PCGF6: variants seen among roughly 807,000 people sequenced by gnomAD.
PCGF6 encodes polycomb group ring finger 6, also known as polycomb group RING finger protein 6.
Under a neutral mutation model 45.5 loss-of-function variants are expected in PCGF6, and 24 were observed. The ratio of observed to expected loss-of-function variants is 0.53; its 90% CI spans 0.38 to 0.74. The LOEUF is 0.74. Ranked by LOEUF, PCGF6 falls within the 30% of genes least tolerant of loss-of-function variation. The pLI, the probability that PCGF6 is intolerant of heterozygous loss-of-function variation, is 0.00. For missense variants in PCGF6, 356 were observed against 443.2 expected (o/e 0.80, Z 1.77); for synonymous variants, 152 against 162.1 (o/e 0.94, Z 0.47).
At chr10:103,311,234 C>T (rs1025444350) in intron 9 of PCGF6, among the ~76,000 whole-genome samples, 4 of 152,086 alleles carry the variant, frequency 2.6e-5, no homozygotes, top group African/African-American at 9.7e-5. Flanking sequence ...CTCTGCCTCC[C>T]GGGTTCAAGC....
chr10:103,350,612 G>T, intron 1 of PCGF6, 95 bp downstream of exon 1: 1 of 1,249,864 alleles, frequency 8.0e-7, no homozygotes, highest in South Asian at 2.0e-5. Flanking sequence ...CGCGGCGGCG[G>T]CGCACTAGGA....
At position 103,319,979 on chromosome 10, in the gene PCGF6, T is replaced by C. The variant is rs541217590; in HGVS notation, c.910-5707A>G. On this transcript the variant is annotated intron_variant, in intron 8 of 9. Coordinates refer to ENST00000369847, the MANE Select transcript of PCGF6 (RefSeq NM_001011663.2). ...CATACCACCATGCCCAGCTAATTTTTGTATTTTTAGTAGAGATGGGGTTTC... is the reference window on the plus strand; with the variant it reads ...CATACCACCATGCCCAGCTAATTTTCGTATTTTTAGTAGAGATGGGGTTTC... 2.0e-5 allele frequency among the ~76,000 whole-genome samples: 3 copies of C among 152,158 alleles called. No individual in the cohort carries two copies. The East Asian group carries it at 5.8e-4, about 29-fold the overall frequency.
chr10:103,346,000 C>T (rs964692026), intron 5 of PCGF6, among the ~76,000 whole-genome samples: 2 of 151,412 alleles, frequency 1.3e-5, no homozygotes, highest in African/African-American at 4.9e-5. Flanking sequence ...CGGGACCAGC[C>T]TGGCCAACAT....
intron 8 of PCGF6, among the ~76,000 whole-genome samples, chr10:103,325,702 T>C (rs1463843993): frequency 1.3e-5 from 2 of 152,090 alleles, no homozygotes; most frequent in Non-Finnish European, 2.9e-5. Flanking sequence ...ATGACACTAA[T>C]AGATTGCCAT....
At chr10:103,346,566 G>C (rs1017927660) in intron 5 of PCGF6, among the ~76,000 whole-genome samples, 2 of 152,204 alleles carry the variant, frequency 1.3e-5, no homozygotes, top group African/African-American at 4.8e-5. Flanking sequence ...GGAGGTTGCA[G>C]TGAGCCAAGA....
intron 7 of PCGF6, among the ~76,000 whole-genome samples, chr10:103,331,332 G>A (rs531597819): frequency 5.3e-5 from 8 of 151,856 alleles, no homozygotes; most frequent in Admixed American, 3.9e-4. Flanking sequence ...AGCTCACTTC[G>A]CCAAGTTCTC....
chr10:103,349,942 C>T (rs1384924966), intron 1 of PCGF6, among the ~76,000 whole-genome samples: 1 of 151,648 alleles, frequency 6.6e-6, no homozygotes, highest in African/African-American at 2.4e-5. Context: ...ATAAGCCGGG[C>T]GTGGTGGCGG....
At chr10:103,320,291 A>T (rs1327467812) in intron 8 of PCGF6, among the ~76,000 whole-genome samples, 1 of 152,168 alleles carries the variant, frequency 6.6e-6, no homozygotes, top group East Asian at 1.9e-4. Context: ...AATACCACTA[A>T]ATCAACCACA....
intron 7 of PCGF6, among the ~76,000 whole-genome samples, chr10:103,331,653 T>G (rs1370550053): frequency 6.6e-6 from 1 of 152,220 alleles, no homozygotes; most frequent in African/African-American, 2.4e-5. Flanking sequence ...AAGTTACTTT[T>G]CTCAATAGGT....
chr10:103,325,831 C>G (rs376774773), intron 8 of PCGF6, among the ~76,000 whole-genome samples: 11 of 129,888 alleles, frequency 8.5e-5, no homozygotes, highest in African/African-American at 2.6e-4. Context: ...CCAGCCTGGA[C>G]AAAAGCAAGA....
intron 9 of PCGF6, among the ~76,000 whole-genome samples, chr10:103,311,832 T>C (rs2133556941): frequency 6.7e-6 from 1 of 150,044 alleles, no homozygotes; most frequent in Non-Finnish European, 1.5e-5. Context: ...CTCATGCCTG[T>C]AATCCCAGCA....
rs2093125424 is a variant in PCGF6, at chr10:103,303,213, G to T, written c.*692C>A. 6.6e-6 allele frequency: 1 copy of T among 152,514 alleles called. No homozygotes were observed. Among genetic ancestry groups the T allele is most frequent in the African/African-American group, 2.4e-5 (1 of 41,418 alleles). The allele number at this position is 152,514 out of a possible 1,614,324, so 9.4% of individuals were successfully genotyped here. A position where few individuals can be genotyped will look rare whatever the true frequency, so the allele number is the denominator to read the frequency against. ...ATGTACCCAAATAAAATGAATGTCA[G>T]AAATAAAAATACTGTCACAAAGAAG... On this transcript the variant is annotated 3_prime_UTR_variant, in exon 10 of 10. Coordinates refer to ENST00000369847, the MANE Select transcript of PCGF6 (RefSeq NM_001011663.2).
At chr10:103,322,193 CCTTCA>C (rs1424288898) in intron 8 of PCGF6, among the ~76,000 whole-genome samples, 2 of 151,828 alleles carry the variant, frequency 1.3e-5, no homozygotes, top group Non-Finnish European at 2.9e-5. Context: ...CCTTGCCTGG[CCTTCA>C]CTTCACTTAT....
At chr10:103,345,508 CTTT>C (rs113103280) in intron 5 of PCGF6, among the ~76,000 whole-genome samples, 2 of 147,998 alleles carry the variant, frequency 1.4e-5, no homozygotes, top group Admixed American at 6.8e-5. Flanking sequence ...AGTGCTACTG[CTTT>C]TTTTTTTTTT....
chr10:103,342,555 T>G (rs1231355498), intron 6 of PCGF6, among the ~76,000 whole-genome samples: 1 of 152,128 alleles, frequency 6.6e-6, no homozygotes, highest in African/African-American at 2.4e-5. Flanking sequence ...ATATGGCCTT[T>G]CAGGAATGGC....
intron 7 of PCGF6, among the ~76,000 whole-genome samples, chr10:103,328,561 G>A (rs1338925779): frequency 6.6e-6 from 1 of 152,082 alleles, no homozygotes; most frequent in Non-Finnish European, 1.5e-5. Flanking sequence ...ACTTGTCTGT[G>A]TCTCTATTTG....
intron 9 of PCGF6, among the ~76,000 whole-genome samples, chr10:103,304,959 A>T (rs1295250446): frequency 6.6e-6 from 1 of 151,906 alleles, no homozygotes; most frequent in Admixed American, 6.6e-5. Context: ...TGTCTTTTTA[A>T]TGACTCTCAG....
chr10:103,307,361 C>T (rs2093141467), intron 9 of PCGF6, among the ~76,000 whole-genome samples: 1 of 151,428 alleles, frequency 6.6e-6, no homozygotes, highest in African/African-American at 2.4e-5. Flanking sequence ...TGCTTGAGCC[C>T]AGGAGGTTGA....
At position 103,348,757 on chromosome 10, in the gene PCGF6, G is replaced by A; in HGVS notation, c.516C>T (p.Cys172=). 1 of 1,610,884 alleles carries A rather than the reference G, an allele frequency of 6.2e-7. No homozygotes were observed. Among genetic ancestry groups the A allele is most frequent in the Non-Finnish European group, 8.5e-7 (1 of 1,177,622 alleles). The change falls in exon 3 of 10, where the codon TGC becomes TGT. Residue 172 remains cysteine (C), a synonymous_variant. Transcript: ENST00000369847. The stretch of plus-strand genomic sequence containing the variant: ...GTTGTGTCTGATGTACTACTATATT[G>A]CATTTTGGACATCTGTTGCTGTAGT... ...HFYYSNRCPK[C]NIVVHQTQPL...
Sources: gnomAD v4.1 joint callset for allele counts (sites outside exome capture counted in the v4.1 genomes callset) on GRCh38, gnomAD v4.1.1 for gene constraint, MANE v1.5 for transcripts, NCBI Gene and HGNC (gene_info 2026-07-23, HGNC 2026-07-21) for gene names.